The following LRRC37A2 variants were observed in gnomAD, a reference collection of about 807,000 sequenced individuals.
LRRC37A2 encodes leucine rich repeat containing 37 member A2, also known as leucine-rich repeat-containing protein 37A2.
In LRRC37A2, 9 loss-of-function variants were observed where a neutral mutation model predicts 68.8. That is an observed-to-expected ratio of 0.13 (90% CI 0.08 to 0.23). LRRC37A2 has a LOEUF of 0.23. Ranked by LOEUF, LRRC37A2 falls within the 10% of genes least tolerant of loss-of-function variation. The probability of loss-of-function intolerance (pLI) is 1.00; values close to 1 mark genes in which losing one functional copy is unlikely to be tolerated. For synonymous variants in LRRC37A2, 63 were observed against 367.6 expected, an observed-to-expected ratio of 0.17 and a Z score of 9.48; for missense variants, 168 against 950.4, an observed-to-expected ratio of 0.18 and a Z score of 10.82.
At chr17:47,004,871 A>G in the LRRC37A2 span, among the ~76,000 whole-genome samples, 28,831 of 152,182 alleles carry the variant, frequency 0.19, 3,550 homozygotes, top group East Asian at 0.56. Context: ...AAAACCTGCT[A>G]CTGTAAGACA....
the LRRC37A2 span, among the ~76,000 whole-genome samples, chr17:46,870,559 G>A: frequency 3.9e-5 from 6 of 152,354 alleles, no homozygotes; most frequent in African/African-American, 7.2e-5. Flanking sequence ...GTCTCTGCTC[G>A]GAGGTTTCGG....
At chr17:46,919,656 A>C in the LRRC37A2 span, among the ~76,000 whole-genome samples, 2 of 152,162 alleles carry the variant, frequency 1.3e-5, no homozygotes, top group Non-Finnish European at 2.9e-5. Flanking sequence ...TCTGACATTT[A>C]AGATTTCCTG....
At chr17:47,040,273 A>G in the LRRC37A2 span, among the ~76,000 whole-genome samples, 1 of 149,194 alleles carries the variant, frequency 6.7e-6, no homozygotes, top group Non-Finnish European at 1.5e-5. Context: ...CAAGACCCCA[A>G]CTATAAAAAA....
intron 6 of LRRC37A2, among the ~76,000 whole-genome samples, chr17:46,529,972 G>T (rs1048905626): frequency 2.2e-5 from 3 of 138,880 alleles, no homozygotes; most frequent in East Asian, 4.5e-4. Flanking sequence ...AAAGAGGGAA[G>T]GTTGGAGAGT....
the LRRC37A2 span, among the ~76,000 whole-genome samples, chr17:46,828,168 T>G: frequency 2.0e-5 from 3 of 151,896 alleles, no homozygotes; most frequent in African/African-American, 7.3e-5. Context: ...TTTCTCTCTG[T>G]CTCTCTCTTT....
the LRRC37A2 span, chr17:46,936,572 T>C: frequency 3.0e-6 from 3 of 985,464 alleles, no homozygotes; most frequent in Non-Finnish European, 3.6e-6. Context: ...AAAAGGAACA[T>C]AGGAGAGGGC....
At chr17:46,831,862 T>C in the LRRC37A2 span, among the ~76,000 whole-genome samples, 1 of 152,214 alleles carries the variant, frequency 6.6e-6, no homozygotes, top group Non-Finnish European at 1.5e-5. Context: ...CCTGTATGCA[T>C]TGAGTGAATG....
chr17:46,765,948 TG>T, the LRRC37A2 span, among the ~76,000 whole-genome samples: 1 of 152,208 alleles, frequency 6.6e-6, no homozygotes, highest in Non-Finnish European at 1.5e-5. Flanking sequence ...TGTCCTCCAC[TG>T]GTCACAGAGT....
chr17:46,750,225 C>T, the LRRC37A2 span, among the ~76,000 whole-genome samples: 1 of 152,056 alleles, frequency 6.6e-6, no homozygotes. Flanking sequence ...TGGTGGTGGG[C>T]ACCTGTAGTT....
the LRRC37A2 span, chr17:46,979,231 G>A: frequency 2.4e-6 from 1 of 418,658 alleles, no homozygotes; most frequent in South Asian, 8.0e-5. Context: ...CGGCGCAGGA[G>A]CTGGAGCCGG....
chr17:46,439,361 G>T, the LRRC37A2 span, among the ~76,000 whole-genome samples: 1 of 143,960 alleles, frequency 6.9e-6, no homozygotes, highest in East Asian at 2.0e-4. Flanking sequence ...CATCCAGCTA[G>T]TTTTAGCTGT....
chr17:46,996,423 A>G, the LRRC37A2 span, among the ~76,000 whole-genome samples: 150 of 152,302 alleles, frequency 9.8e-4, no homozygotes, highest in Admixed American at 1.6e-3. Flanking sequence ...GTTTCCTTTA[A>G]GGATATGCCC....
At chr17:46,962,176 A>G in the LRRC37A2 span, among the ~76,000 whole-genome samples, 1 of 152,050 alleles carries the variant, frequency 6.6e-6, no homozygotes, top group African/African-American at 2.4e-5. Context: ...AAATACATAA[A>G]AAATTAGCCG....
At chr17:46,870,904 C>CTTTTTTTTTTTTTTTTTTTTTTTT in the LRRC37A2 span, among the ~76,000 whole-genome samples, 6 of 78,388 alleles carry the variant, frequency 7.7e-5, no homozygotes, top group African/African-American at 2.5e-4. Flanking sequence ...TCCACCTTTG[C>CTTTTTTTTTTTTTTTTTTTTTTTT]TTTTTTTTTT....
chr17:46,757,535 C>G, the LRRC37A2 span: 7 of 152,432 alleles, frequency 4.6e-5, no homozygotes, highest in Admixed American at 3.3e-4. Context: ...AAGGAGGGGG[C>G]TCAGGAAAGA....
the LRRC37A2 span, among the ~76,000 whole-genome samples, chr17:46,678,487 A>AAG: frequency 0.029 from 4,206 of 146,952 alleles, 176 homozygotes; most frequent in African/African-American, 0.089. Flanking sequence ...AAGAGAGAGT[A>AAG]AGAGAGAGAG....
the LRRC37A2 span, among the ~76,000 whole-genome samples, chr17:46,767,066 CCTT>C: frequency 1.3e-5 from 2 of 152,124 alleles, no homozygotes; most frequent in Non-Finnish European, 2.9e-5. Flanking sequence ...ACACTAGGCT[CCTT>C]CTCAGGGGAC....
chr17:46,982,664 G>A, the LRRC37A2 span, among the ~76,000 whole-genome samples: 10 of 152,204 alleles, frequency 6.6e-5, no homozygotes, highest in Middle Eastern at 3.4e-3. Context: ...CATTATCCCC[G>A]TCCCCCTCTC....
the LRRC37A2 span, among the ~76,000 whole-genome samples, chr17:46,782,997 A>C: frequency 6.6e-6 from 1 of 152,178 alleles, no homozygotes; most frequent in East Asian, 1.9e-4. Context: ...AAGGTGCCTC[A>C]GGGGGTGCCT....
Sources: allele counts gnomAD v4.1 joint callset (sites outside exome capture counted in the v4.1 genomes callset), GRCh38; gene constraint gnomAD v4.1.1; transcripts MANE v1.5; gene names NCBI Gene and HGNC (gene_info 2026-07-23, HGNC 2026-07-21).